Variants in FBH1 observed in about 807,000 individuals in gnomAD.
FBH1 encodes the protein F-box DNA helicase 1, also known as DNA 3'-5' helicase 1.
FBH1 carries 43 observed loss-of-function variants against 115.5 expected under a neutral mutation model. The ratio of observed to expected loss-of-function variants is 0.37; its 90% CI spans 0.29 to 0.48. The LOEUF (loss-of-function observed/expected upper bound fraction) is 0.48. Among genes scored for constraint, FBH1 ranks in the 20% least tolerant of loss-of-function variants. FBH1 has a pLI of 0.99. For missense variants in FBH1, 1,001 were observed against 1,337.3 expected (o/e 0.75, Z 3.92); for synonymous variants, 524 against 507.8 (o/e 1.03, Z -0.43).
rs1352935176 is a variant in FBH1 at position 5,927,426 on chromosome 10, T to C, written c.2723-9T>C. Reference sequence around the variant, plus strand: ...TTTAGTTGATTTTTTTCCCCTTTACTTTGTTTAGAGTCATTTTCTGAGGAT... The same window carrying C: ...TTTAGTTGATTTTTTTCCCCTTTACCTTGTTTAGAGTCATTTTCTGAGGAT... On this transcript the variant is annotated splice_polypyrimidine_tract_variant and intron_variant, in intron 18 of 20. Transcript: ENST00000362091. 2 of 1,600,042 alleles carry C rather than the reference T, an allele frequency of 1.2e-6. No individual in the cohort carries two copies. The highest frequency in any genetic ancestry group is 1.7e-6 in the Non-Finnish European group (2 of 1,172,930).
Position 5,909,126 on chromosome 10 carries a change from C to T in FBH1, c.885-33C>T. 6.2e-7 allele frequency: 1 copy of T among 1,613,280 alleles called. No individual in the cohort carries two copies. ...TTGTACATCAGTGCTTATGGTCACCCTACTCATGGCCTCTCCTGTGAATGT... is the reference window on the plus strand; with the variant it reads ...TTGTACATCAGTGCTTATGGTCACCTTACTCATGGCCTCTCCTGTGAATGT... On this transcript the variant is annotated intron_variant, in intron 4 of 20. Transcript: ENST00000362091. This position sits in a 1 kb window ranked among gnomAD's most constrained non-coding sequence, Gnocchi z 4.4.
rs1843709502 is a variant in FBH1, at chr10:5,906,644, C to T, written c.753+12C>T. On this transcript the variant is annotated intron_variant, in intron 3 of 20. Transcript: ENST00000362091. This position sits in a 1 kb window ranked among gnomAD's most constrained non-coding sequence, Gnocchi z 7.3. ...TCAGTGACCCGCTGGTGAGTGAGTGCTGGAGTCGGGAGATGTTTCCTCTAA... is the reference window on the plus strand; with the variant it reads ...TCAGTGACCCGCTGGTGAGTGAGTGTTGGAGTCGGGAGATGTTTCCTCTAA... 1 of 1,583,540 alleles carries T rather than the reference C, an allele frequency of 6.3e-7. No homozygotes were observed. The highest frequency in any genetic ancestry group is 8.6e-7 in the Non-Finnish European group (1 of 1,163,288).
rs1831429024 is a variant in FBH1, at chr10:5,909,553, A to G, written c.1020+259A>G. ...CATTTGGTTGAGGAATCTTCTCTGA[A>G]ATATTTCTGAAAAGTGGTCATCTAG... is the stretch of plus-strand genomic sequence containing the variant. On this transcript the variant is annotated intron_variant, in intron 5 of 20. Coordinates refer to ENST00000362091, the MANE Select transcript of FBH1 (RefSeq NM_178150.3). This position sits in a 1 kb window ranked among gnomAD's most constrained non-coding sequence, Gnocchi z 4.4. The G allele has an allele frequency of 2.3e-6, 1 of 436,758 alleles. No homozygotes were observed. The highest frequency in any genetic ancestry group is 2.0e-5 in the African/African-American group (1 of 49,956). 27.1% of individuals were successfully genotyped at this position (436,758 alleles called of 1,614,324 possible). A position where few individuals can be genotyped will look rare whatever the true frequency, so the allele number is the denominator to read the frequency against.
chr10:5,913,332 G>A lies in FBH1; in HGVS notation c.1212-415G>A, dbSNP rs977645202. 6.5e-5 allele frequency among the ~76,000 whole-genome samples: 9 copies of A among 138,468 alleles called. No homozygotes were observed. The highest frequency in any genetic ancestry group is 1.5e-4 in the Admixed American group (2 of 13,238). The allele number at this position is 138,468 out of a possible 152,430, so 90.8% of individuals were successfully genotyped here. A position where few individuals can be genotyped will look rare whatever the true frequency, so the allele number is the denominator to read the frequency against. ...ATAAGAGGTAGACAGTGGAGCGACC[G>A]AGGCTCAGAAAGAGGCTGGTGTTTT... On this transcript the variant is annotated intron_variant, in intron 6 of 20. Transcript: ENST00000362091. The surrounding 1 kb of genome is among the most constrained non-coding windows in gnomAD (Gnocchi z 4.4).
chr10:5,912,257 G>A (rs527238652), intron 6 of FBH1, among the ~76,000 whole-genome samples: 8 of 152,056 alleles, frequency 5.3e-5, no homozygotes, highest in South Asian at 4.2e-4. Flanking sequence ...CCAGCTACTC[G>A]GGAAGCTGAG....
chr10:5,929,827 G>A (rs1832870006), intron 19 of FBH1: 1 of 152,236 alleles, frequency 6.6e-6, no homozygotes, highest in Non-Finnish European at 1.5e-5. Context: ...GAGTTAAGCA[G>A]AATAAATCAT....
In FBH1 at chr10:5,924,818, G is replaced by A. The variant is rs756827136; in HGVS notation, c.2596+310G>A. ...CAACCTCAGGTAATCTGCCCACCTC[G>A]ACCTCCCAAAGTGCTAGAATTACAG... On this transcript the variant is annotated intron_variant, in intron 17 of 20. Coordinates refer to ENST00000362091, the MANE Select transcript of FBH1 (RefSeq NM_178150.3). The surrounding 1 kb of genome is among the most constrained non-coding windows in gnomAD (Gnocchi z 6.2). The A allele has an allele frequency of 4.2e-6, 2 of 473,610 alleles. No individual in the cohort carries two copies. Among genetic ancestry groups the A allele is most frequent in the Admixed American group, 2.4e-5 (1 of 41,354 alleles). The allele number at this position is 473,610 out of a possible 1,614,324, so 29.3% of individuals were successfully genotyped here.
At position 5,935,141 on chromosome 10, in the gene FBH1, T is replaced by C. The variant is rs1220029201; in HGVS notation, c.2830-1315T>C. The C allele has an allele frequency of 6.6e-6, 1 of 152,204 alleles. No individual in the cohort carries two copies. Among genetic ancestry groups the C allele is most frequent in the African/African-American group, 2.4e-5 (1 of 41,436 alleles). The allele number at this position is 152,204 out of a possible 1,614,324, so 9.4% of individuals were successfully genotyped here. On this transcript the variant is annotated intron_variant, in intron 19 of 20. Coordinates refer to ENST00000362091, the MANE Select transcript of FBH1 (RefSeq NM_178150.3). The surrounding 1 kb of genome is among the most constrained non-coding windows in gnomAD (Gnocchi z 5.2). ...TGTTTCTTACATATGTGCGTATGTATAGCATTATAATGGTAACTGCGTCAA... is the reference window on the plus strand; with the variant it reads ...TGTTTCTTACATATGTGCGTATGTACAGCATTATAATGGTAACTGCGTCAA...
At position 5,933,329 on chromosome 10, in the gene FBH1, A is replaced by G. The variant is rs1253142888; in HGVS notation, c.2830-3127A>G. Among the ~76,000 whole-genome samples, 1 of 152,204 alleles carries G rather than the reference A, an allele frequency of 6.6e-6. No homozygotes were observed. The highest frequency in any genetic ancestry group is 1.5e-5 in the Non-Finnish European group (1 of 68,040). On this transcript the variant is annotated intron_variant, in intron 19 of 20. Coordinates refer to ENST00000362091, the MANE Select transcript of FBH1 (RefSeq NM_178150.3). This position sits in a 1 kb window ranked among gnomAD's most constrained non-coding sequence, Gnocchi z 4.9. Reference sequence around the variant, plus strand: ...CTTGAATCCGGGAGGCAGAGGTTGCAGTAGGCTGAAATCGTGCCACTGCAC... The same window carrying G: ...CTTGAATCCGGGAGGCAGAGGTTGCGGTAGGCTGAAATCGTGCCACTGCAC...
rs1832562582 is a variant in FBH1 at position 5,925,104 on chromosome 10, ACT to A, written c.2597-260_2597-259del. Among the ~76,000 whole-genome samples the A allele has an allele frequency of 6.6e-6, 1 of 152,038 alleles. No individual in the cohort carries two copies. The highest frequency in any genetic ancestry group is 1.5e-5 in the Non-Finnish European group (1 of 68,010). ...TTAGATCCAGACGGTGGGTGGAGCC[ACT>A]CTGTCCTCTGGGATGTGATTCCGAG... On this transcript the variant is annotated intron_variant, in intron 17 of 20. Transcript: ENST00000362091. The surrounding 1 kb of genome is among the most constrained non-coding windows in gnomAD (Gnocchi z 4.6).
In FBH1 at chr10:5,914,214, G is replaced by C. The variant is rs1163704380; in HGVS notation, c.1341G>C (p.Leu447=). The part of the protein sequence containing the change: ...KTIQLTHEQQ[L]ILNHKMEPLQ... ...TCCAACTTACACATGAACAACAGCT[G>C]ATTCTGAATCACAAGATGGAACCTC... Residue 447 remains leucine, a synonymous_variant, in exon 8 of 21, where the codon CTG becomes CTC. Transcript: ENST00000362091. The surrounding 1 kb of genome is among the most constrained non-coding windows in gnomAD (Gnocchi z 5.2). The C allele has an allele frequency of 1.9e-6, 3 of 1,614,118 alleles. No individual in the cohort carries two copies. The highest frequency in any genetic ancestry group is 2.5e-6 in the Non-Finnish European group (3 of 1,180,054).
rs576003723 is a variant in FBH1 at position 5,923,545 on chromosome 10, T to C, written c.2323-76T>C. On this transcript the variant is annotated intron_variant, in intron 15 of 20. Transcript: ENST00000362091. This position sits in a 1 kb window ranked among gnomAD's most constrained non-coding sequence, Gnocchi z 5.7. ...CATCCCTGCATTTGCTTTATTTTGT[T>C]TTGTTAAAGCAACAACAAACAAAAC... is the stretch of plus-strand genomic sequence containing the variant. 269 of 1,286,990 alleles carry C rather than the reference T, an allele frequency of 2.1e-4. No individual in the cohort carries two copies. In the East Asian group the frequency reaches 3.0e-3, roughly 14 times the overall value. The allele number at this position is 1,286,990 out of a possible 1,614,324, so 79.7% of individuals were successfully genotyped here.
In FBH1 at chr10:5,914,532, G is replaced by A. The variant is rs1831808916; in HGVS notation, c.1396+263G>A. Among the ~76,000 whole-genome samples the A allele has an allele frequency of 1.3e-5, 2 of 152,216 alleles. No homozygotes were observed. On this transcript the variant is annotated intron_variant, in intron 8 of 20. Coordinates refer to ENST00000362091, the MANE Select transcript of FBH1 (RefSeq NM_178150.3). The surrounding 1 kb of genome is among the most constrained non-coding windows in gnomAD (Gnocchi z 5.2). ...GTCGGGCAGATGCCCCCGGGATTGA[G>A]CCCAGCATTGTGATGTTTGCTCAGG...
intron 1 of FBH1, chr10:5,894,655 A>G: frequency 1.4e-6 from 1 of 700,894 alleles, no homozygotes; most frequent in Non-Finnish European, 2.6e-6. Context: ...GCCAAGGAAG[A>G]CAGCCCACAC....
chr10:5,891,300 G>T (rs1439775545), intron 1 of FBH1, among the ~76,000 whole-genome samples: 1 of 152,214 alleles, frequency 6.6e-6, no homozygotes, highest in Non-Finnish European at 1.5e-5. Context: ...ATAGCCTCTG[G>T]AGACAGAACT....
intron 19 of FBH1, among the ~76,000 whole-genome samples, chr10:5,928,000 G>C (rs1294699703): frequency 6.7e-6 from 1 of 148,822 alleles, no homozygotes; most frequent in Non-Finnish European, 1.5e-5. Flanking sequence ...TTGAACCTGG[G>C]AGGCGGAGGT....
At position 5,923,673 on chromosome 10, in the gene FBH1, A is replaced by G; in HGVS notation, c.2375A>G (p.Gln792Arg). 6.2e-7 allele frequency: 1 copy of G among 1,614,214 alleles called. No individual in the cohort carries two copies. The highest frequency in any genetic ancestry group is 8.5e-7 in the Non-Finnish European group (1 of 1,180,020). ...DRIIDIWILLQPEEERRKQNL... is the reference protein window; with the variant it reads ...DRIIDIWILLRPEEERRKQNL... ...ATCATTGATATTTGGATCCTTCTTC[A>G]GCCAGAGGAAGAACGGAGGAAACGT... Residue 792 changes from glutamine (Q) to arginine (R), a missense_variant, in exon 16 of 21, where the codon CAG (glutamine) becomes CGG (arginine). Around this residue, in one of 4 missense-constraint regions of FBH1, gnomAD observed 521 missense variants for 811.0 expected, o/e 0.64. Transcript: ENST00000362091. This position sits in a 1 kb window ranked among gnomAD's most constrained non-coding sequence, Gnocchi z 5.7.
In FBH1 at chr10:5,925,487, G is replaced by C; in HGVS notation, c.2717G>C (p.Arg906Thr). The C allele has an allele frequency of 1.2e-6, 2 of 1,613,896 alleles. No individual in the cohort carries two copies. The highest frequency in any genetic ancestry group is 1.7e-6 in the Non-Finnish European group (2 of 1,180,024). Reference sequence around the variant, plus strand: ...AACCTGCCCCAGCTTCCGCACTTCAGAGTTGGTAAGAGGCCGCCGGGTAGT... The same window carrying C: ...AACCTGCCCCAGCTTCCGCACTTCACAGTTGGTAAGAGGCCGCCGGGTAGT... ...RHNLPQLPHF[R>T]VESFSEDEWN... Residue 906 changes from arginine (R) to threonine (T), a missense_variant, in exon 18 of 21, where the codon AGA becomes ACA. By Grantham distance (71) the Arg-to-Thr change is moderately conservative. Around this residue, in one of 4 missense-constraint regions of FBH1, gnomAD observed 521 missense variants for 811.0 expected, o/e 0.64. Transcript: ENST00000362091. This position sits in a 1 kb window ranked among gnomAD's most constrained non-coding sequence, Gnocchi z 4.6.
At position 5,924,805 on chromosome 10, in the gene FBH1, A is replaced by G. The variant is rs1201601834; in HGVS notation, c.2596+297A>G. 4.0e-6 allele frequency: 2 copies of G among 496,180 alleles called. No individual in the cohort carries two copies. The highest frequency in any genetic ancestry group is 1.6e-5 in the South Asian group (1 of 64,082). 30.7% of individuals were successfully genotyped at this position (496,180 alleles called of 1,614,324 possible). A position where few individuals can be genotyped will look rare whatever the true frequency, so the allele number is the denominator to read the frequency against. On this transcript the variant is annotated intron_variant, in intron 17 of 20. Coordinates refer to ENST00000362091, the MANE Select transcript of FBH1 (RefSeq NM_178150.3). The surrounding 1 kb of genome is among the most constrained non-coding windows in gnomAD (Gnocchi z 6.2). The stretch of plus-strand genomic sequence containing the variant: ...GGTCTCGAACTCCCAACCTCAGGTA[A>G]TCTGCCCACCTCGACCTCCCAAAGT...
Sources: allele counts gnomAD v4.1 joint callset (sites outside exome capture counted in the v4.1 genomes callset), GRCh38; gene constraint gnomAD v4.1.1; regional missense constraint gnomAD v4.1.1; non-coding constraint Gnocchi (gnomAD v3.1); transcripts MANE v1.5; gene names NCBI Gene and HGNC (gene_info 2026-07-23, HGNC 2026-07-21).